The following NRDC variants were observed in gnomAD, a reference collection of about 807,000 sequenced individuals.
NRDC encodes the protein nardilysin convertase.
NRDC carries 54 observed loss-of-function variants against 147.1 expected under a neutral mutation model. That is an observed-to-expected ratio of 0.37 (90% CI 0.29 to 0.46). The LOEUF (loss-of-function observed/expected upper bound fraction) is 0.46. NRDC is among the 20% of genes least tolerant of loss of function. The pLI, the probability that NRDC is intolerant of heterozygous loss-of-function variation, is 1.00. For missense variants in NRDC, 1,082 were observed against 1,370.6 expected, an observed-to-expected ratio of 0.79 and a Z score of 3.33; for synonymous variants, 440 against 482.1, an observed-to-expected ratio of 0.91 and a Z score of 1.14.
intron 1 of NRDC, 89 bp from the exon 2 acceptor site, chr1:51,840,603 G>A (rs2149223223): frequency 1.1e-6 from 1 of 903,544 alleles, no homozygotes; most frequent in East Asian, 2.5e-5. Context: ...TTTAAAAAAA[G>A]AATCCAAGTA....
At chr1:51,859,365 A>G (rs1460950496) in intron 1 of NRDC, among the ~76,000 whole-genome samples, 2 of 152,248 alleles carry the variant, frequency 1.3e-5, no homozygotes, top group South Asian at 2.1e-4. Context: ...ATAATTTGAT[A>G]CTTGCTTGCT....
intron 3 of NRDC, among the ~76,000 whole-genome samples, chr1:51,834,596 G>A (rs928427532): frequency 6.6e-6 from 1 of 151,962 alleles, no homozygotes; most frequent in African/African-American, 2.4e-5. Context: ...GATTACAGGC[G>A]TGAGCCACCA....
chr1:51,837,629 G>A (rs1212845820), intron 2 of NRDC: 1 of 1,488,980 alleles, frequency 6.7e-7, no homozygotes, highest in Non-Finnish European at 9.1e-7. Flanking sequence ...TGCTAGAAAA[G>A]AAATTCATAC....
intron 1 of NRDC, among the ~76,000 whole-genome samples, chr1:51,859,172 C>A (rs1381089744): frequency 6.6e-6 from 1 of 152,162 alleles, no homozygotes; most frequent in East Asian, 1.9e-4. Flanking sequence ...GAATGATAGT[C>A]TGAATGGGGA....
At chr1:51,815,814 G>C (rs1222834707) in intron 11 of NRDC, 1 of 152,080 alleles carries the variant, frequency 6.6e-6, no homozygotes, top group Non-Finnish European at 1.5e-5. Context: ...TTTGGCTATA[G>C]GTGACTTAAA....
intron 1 of NRDC, among the ~76,000 whole-genome samples, chr1:51,865,741 T>C (rs1682772313): frequency 6.6e-6 from 1 of 152,152 alleles, no homozygotes; most frequent in Non-Finnish European, 1.5e-5. Context: ...TTTCCACAGA[T>C]AGTAATTTTT....
intron 4 of NRDC, among the ~76,000 whole-genome samples, chr1:51,829,157 A>C (rs1477306477): frequency 6.6e-6 from 1 of 152,048 alleles, no homozygotes; most frequent in Non-Finnish European, 1.5e-5. Context: ...TGAACTCCCC[A>C]GGCTCAGGTG....
chr1:51,789,833 G>A, intron 29 of NRDC, 176 bp from the exon 30 acceptor site: 1 of 600,168 alleles, frequency 1.7e-6, no homozygotes, highest in Non-Finnish European at 3.0e-6. Context: ...TCTCTGGCAT[G>A]CCTTCACATT....
intron 1 of NRDC, among the ~76,000 whole-genome samples, chr1:51,840,895 T>G (rs1287493297): frequency 6.6e-6 from 1 of 152,218 alleles, no homozygotes; most frequent in Non-Finnish European, 1.5e-5. Flanking sequence ...CCAGAAGACT[T>G]AGGCTAAGAT....
chr1:51,814,247 CAA>C (rs1192620200), intron 13 of NRDC, 158 bp from the exon 14 acceptor site: 1 of 596,330 alleles, frequency 1.7e-6, no homozygotes, highest in Non-Finnish European at 3.0e-6. Flanking sequence ...CACCGTGACA[CAA>C]GTTTACCTAC....
intron 21 of NRDC, among the ~76,000 whole-genome samples, chr1:51,799,448 A>G (rs1016771294): frequency 1.2e-4 from 18 of 151,238 alleles, no homozygotes; most frequent in Admixed American, 6.6e-4. Context: ...ACTTTCTGTG[A>G]TCAGAATATC....
intron 1 of NRDC, among the ~76,000 whole-genome samples, chr1:51,856,458 G>A (rs1682246246): frequency 6.6e-6 from 1 of 152,190 alleles, no homozygotes; most frequent in Admixed American, 6.5e-5. Context: ...TCAAGTTGGG[G>A]TTCCCACGAC....
intron 1 of NRDC, among the ~76,000 whole-genome samples, chr1:51,844,083 T>A (rs1407091712): frequency 6.6e-6 from 1 of 152,138 alleles, no homozygotes; most frequent in Non-Finnish European, 1.5e-5. Flanking sequence ...TCGTGTCTAA[T>A]CTCCTCCTAA....
intron 7 of NRDC, among the ~76,000 whole-genome samples, chr1:51,823,274 T>G (rs1466233701): frequency 6.6e-6 from 1 of 152,198 alleles, no homozygotes; most frequent in Non-Finnish European, 1.5e-5. Context: ...TATGTAAGAA[T>G]GAACAAACCA....
At chr1:51,806,462 T>C (rs1481668435) in intron 18 of NRDC, among the ~76,000 whole-genome samples, 1 of 152,112 alleles carries the variant, frequency 6.6e-6, no homozygotes, top group Non-Finnish European at 1.5e-5. Context: ...CACTGGAGTG[T>C]CCATAAGGAT....
intron 4 of NRDC, 132 bp downstream of exon 4, chr1:51,833,885 A>G: frequency 1.3e-6 from 1 of 761,640 alleles, no homozygotes; most frequent in Non-Finnish European, 2.1e-6. Flanking sequence ...AAAGTACTTG[A>G]GTTACAGGCA....
chr1:51,834,558 T>C lies in NRDC; in HGVS notation c.713-388A>G, dbSNP rs375851284. On this transcript the variant is annotated intron_variant, in intron 3 of 30. Transcript: ENST00000352171. ...CTCCAACTCCTGACCTCAAGTGATCTGCCCACCTCGGCCTCCCAAAGTGCT... is the reference window on the plus strand; with the variant it reads ...CTCCAACTCCTGACCTCAAGTGATCCGCCCACCTCGGCCTCCCAAAGTGCT... Among the ~76,000 whole-genome samples the C allele has an allele frequency of 2.0e-3, 309 of 152,148 alleles. 1 individual carries two copies. The highest frequency in any genetic ancestry group is 7.3e-3 in the African/African-American group (303 of 41,520).
intron 9 of NRDC, 108 bp downstream of exon 9, chr1:51,819,692 G>A: frequency 1.2e-6 from 1 of 836,162 alleles, no homozygotes; most frequent in East Asian, 2.7e-5. Context: ...CAACCCAGCT[G>A]TATTTTCTGT....
At chr1:51,789,973 G>A (rs1678513540) in intron 29 of NRDC, among the ~76,000 whole-genome samples, 2 of 152,102 alleles carry the variant, frequency 1.3e-5, no homozygotes, top group South Asian at 2.1e-4. Flanking sequence ...TGCATACCAC[G>A]GCTTGAGGAA....
Sources: gnomAD v4.1 joint callset for allele counts (sites outside exome capture counted in the v4.1 genomes callset) on GRCh38, gnomAD v4.1.1 for gene constraint, MANE v1.5 for transcripts, NCBI Gene and HGNC (gene_info 2026-07-23, HGNC 2026-07-21) for gene names.